The following SCYL2 variants were observed in gnomAD, a reference collection of about 807,000 sequenced individuals.
SCYL2 encodes SCY1 like pseudokinase 2.
In SCYL2, 36 loss-of-function variants were observed where a neutral mutation model predicts 100.4. That is an observed-to-expected ratio of 0.36 (90% CI 0.27 to 0.47). The LOEUF (loss-of-function observed/expected upper bound fraction) is 0.47, where lower values mean the gene tolerates loss of function less well. SCYL2 is among the 20% of genes least tolerant of loss of function. The probability of loss-of-function intolerance (pLI) is 1.00; values close to 1 mark genes in which losing one functional copy is unlikely to be tolerated. For missense variants in SCYL2, 902 were observed against 1,083.9 expected (o/e 0.83, Z 2.36); for synonymous variants, 330 against 359.2 (o/e 0.92, Z 0.92).
At chr12:100,284,102 C>G (rs1047332513) in intron 2 of SCYL2, among the ~76,000 whole-genome samples, 2 of 152,124 alleles carry the variant, frequency 1.3e-5, no homozygotes, top group African/African-American at 4.8e-5. Context: ...CTTTTACAAT[C>G]AGTTATATAA....
intron 2 of SCYL2, among the ~76,000 whole-genome samples, chr12:100,284,679 T>A (rs1301086077): frequency 6.6e-6 from 1 of 152,110 alleles, no homozygotes; most frequent in Non-Finnish European, 1.5e-5. Context: ...GCCAGACTGC[T>A]CTCGAACTCC....
chr12:100,319,112 A>G (rs1166294238), intron 10 of SCYL2: 1 of 411,198 alleles, frequency 2.4e-6, no homozygotes, highest in Non-Finnish European at 4.8e-6. Context: ...TATGAACCTA[A>G]TACTACATAT....
At chr12:100,282,319 C>CTTTTTTTTT (rs1180915936) in intron 1 of SCYL2, among the ~76,000 whole-genome samples, 27 of 85,604 alleles carry the variant, frequency 3.2e-4, no homozygotes, top group East Asian at 5.9e-4. Context: ...CACTTTTAGT[C>CTTTTTTTTT]TTTTTTTTTT....
At chr12:100,301,714 C>G (rs1205852134) in intron 4 of SCYL2, among the ~76,000 whole-genome samples, 1 of 152,238 alleles carries the variant, frequency 6.6e-6, no homozygotes, top group Non-Finnish European at 1.5e-5. Context: ...CCTTCAAGAG[C>G]CTAGGCTTGG....
At chr12:100,272,132 A>G (rs1359906824) in intron 1 of SCYL2, among the ~76,000 whole-genome samples, 3 of 152,134 alleles carry the variant, frequency 2.0e-5, no homozygotes, top group Admixed American at 6.5e-5. Context: ...GCTACCCCAA[A>G]TCCTATTTTG....
intron 12 of SCYL2, among the ~76,000 whole-genome samples, chr12:100,327,849 A>T (rs994937197): frequency 6.6e-6 from 1 of 152,044 alleles, no homozygotes; most frequent in Admixed American, 6.6e-5. Context: ...TATTCTTAAC[A>T]CCTAATGTAG....
At chr12:100,320,269 G>C (rs1001562201) in intron 10 of SCYL2, among the ~76,000 whole-genome samples, 2 of 152,072 alleles carry the variant, frequency 1.3e-5, no homozygotes, top group South Asian at 4.1e-4. Flanking sequence ...CCCGGGCTGG[G>C]TGCGGTGGCT....
chr12:100,319,461 A>G (rs932865970), intron 10 of SCYL2, among the ~76,000 whole-genome samples: 5 of 152,234 alleles, frequency 3.3e-5, no homozygotes, highest in African/African-American at 1.2e-4. Flanking sequence ...TAATTTGACC[A>G]ATAAGTGTCA....
intron 1 of SCYL2, among the ~76,000 whole-genome samples, chr12:100,270,975 G>C (rs557330217): frequency 6.6e-6 from 1 of 151,734 alleles, no homozygotes; most frequent in South Asian, 2.1e-4. Flanking sequence ...TTAAAATCAG[G>C]CTTGTCTTCT....
chr12:100,281,026 T>TGG (rs58626737), intron 1 of SCYL2, among the ~76,000 whole-genome samples: 3 of 100,644 alleles, frequency 3.0e-5, no homozygotes, highest in Admixed American at 9.7e-5. Context: ...AGTGTTTTTT[T>TGG]TTTTTTTTTT....
intron 11 of SCYL2, among the ~76,000 whole-genome samples, chr12:100,324,361 G>A (rs1211891091): frequency 6.6e-6 from 1 of 152,012 alleles, no homozygotes; most frequent in East Asian, 1.9e-4. Context: ...CTTTAAAGAG[G>A]GAGAAATGTT....
chr12:100,270,267 G>C (rs1341813664), intron 1 of SCYL2, among the ~76,000 whole-genome samples: 1 of 152,062 alleles, frequency 6.6e-6, no homozygotes, highest in Admixed American at 6.6e-5. Context: ...GATTAAAGGC[G>C]TGAGCCACCG....
At chr12:100,303,899 G>A (rs1343798714) in intron 4 of SCYL2, among the ~76,000 whole-genome samples, 1 of 152,204 alleles carries the variant, frequency 6.6e-6, no homozygotes, top group Non-Finnish European at 1.5e-5. Context: ...AGGGAAATGG[G>A]AGTTTTATGT....
intron 13 of SCYL2, among the ~76,000 whole-genome samples, chr12:100,331,223 G>A (rs1414458935): frequency 6.6e-6 from 1 of 152,132 alleles, no homozygotes; most frequent in Non-Finnish European, 1.5e-5. Flanking sequence ...GTATTGGGGA[G>A]GAATAGGATA....
chr12:100,311,774 C>T (rs2096342493), intron 5 of SCYL2, among the ~76,000 whole-genome samples: 1 of 152,190 alleles, frequency 6.6e-6, no homozygotes, highest in Non-Finnish European at 1.5e-5. Flanking sequence ...CCTGCCTATT[C>T]ATACTTAGAG....
At chr12:100,286,440 A>G (rs1566346987) in intron 2 of SCYL2, among the ~76,000 whole-genome samples, 1 of 151,992 alleles carries the variant, frequency 6.6e-6, no homozygotes, top group African/African-American at 2.4e-5. Context: ...GACTTTTTAT[A>G]TTTGCTTTTG....
chr12:100,310,072 C>T (rs1252054084), intron 4 of SCYL2, among the ~76,000 whole-genome samples: 2 of 151,966 alleles, frequency 1.3e-5, no homozygotes, highest in African/African-American at 4.8e-5. Flanking sequence ...AATCTCAGCT[C>T]ACTACAACCA....
At chr12:100,336,676 T>TA (rs1355367299) in intron 16 of SCYL2, among the ~76,000 whole-genome samples, 1 of 151,996 alleles carries the variant, frequency 6.6e-6, no homozygotes, top group Non-Finnish European at 1.5e-5. Flanking sequence ...CATAAGTAGA[T>TA]AAAAAATCTG....
intron 11 of SCYL2, 178 bp downstream of exon 11, chr12:100,323,816 A>G (rs2096358914): frequency 2.4e-6 from 1 of 414,202 alleles, no homozygotes; most frequent in Non-Finnish European, 4.2e-6. Context: ...AATTTATAAT[A>G]TTGCATTCCT....
Sources: gnomAD v4.1 joint callset for allele counts (sites outside exome capture counted in the v4.1 genomes callset) on GRCh38, gnomAD v4.1.1 for gene constraint, MANE v1.5 for transcripts, NCBI Gene and HGNC (gene_info 2026-07-23, HGNC 2026-07-21) for gene names.